STK33: variants seen among roughly 807,000 people sequenced by gnomAD.
STK33 encodes the protein serine/threonine kinase 33.
A neutral mutation model predicts 58.0 loss-of-function variants in STK33; 52 were observed. The ratio of observed to expected loss-of-function variants is 0.90; its 90% CI spans 0.72 to 1.13. The LOEUF (loss-of-function observed/expected upper bound fraction) is 1.13. Among genes scored for constraint, STK33 ranks in the 50% most tolerant of loss-of-function variants. The pLI, the probability that STK33 is intolerant of heterozygous loss-of-function variation, is 0.00. For missense variants in STK33, 630 were observed against 604.2 expected (o/e 1.04, Z -0.45); for synonymous variants, 215 against 200.1 (o/e 1.07, Z -0.63).
chr11:8,381,914 T>C, the STK33 span, among the ~76,000 whole-genome samples: 1 of 152,132 alleles, frequency 6.6e-6, no homozygotes. Context: ...ACGTTGCATG[T>C]CAGGATTACC....
chr11:8,570,545 G>A (rs1379073092), intron 1 of STK33, among the ~76,000 whole-genome samples: 1 of 152,108 alleles, frequency 6.6e-6, no homozygotes, highest in East Asian at 1.9e-4. Context: ...TGGATAAATC[G>A]ATGGTGGTAT....
chr11:8,467,814 C>A (rs932894218), intron 6 of STK33, among the ~76,000 whole-genome samples: 29 of 152,050 alleles, frequency 1.9e-4, no homozygotes, highest in South Asian at 2.1e-4. Flanking sequence ...GTGTGGTGGC[C>A]TGTGCCTATA....
chr11:8,352,395 C>T, the STK33 span, among the ~76,000 whole-genome samples: 1 of 151,994 alleles, frequency 6.6e-6, no homozygotes, highest in East Asian at 1.9e-4. Context: ...GGGTGGCAGC[C>T]CCAAGGGGCT....
chr11:8,390,731 T>G (rs1218842070), downstream of STK33, among the ~76,000 whole-genome samples: 1 of 152,102 alleles, frequency 6.6e-6, no homozygotes. Context: ...TGGGAATAGG[T>G]GAAGACACAC....
chr11:8,337,948 T>C, the STK33 span, among the ~76,000 whole-genome samples: 126,352 of 152,028 alleles, frequency 0.83, 52,698 homozygotes, highest in East Asian at 0.93. Context: ...ATCCCCCGTA[T>C]TCCGTGCTGC....
intron 1 of STK33, among the ~76,000 whole-genome samples, chr11:8,497,369 C>G (rs1319695447): frequency 6.6e-6 from 1 of 152,200 alleles, no homozygotes. Context: ...AGCAACTTAT[C>G]ACATACAAAG....
At chr11:8,445,036 C>T (rs1945251290) in intron 11 of STK33, among the ~76,000 whole-genome samples, 1 of 152,048 alleles carries the variant, frequency 6.6e-6, no homozygotes, top group Non-Finnish European at 1.5e-5. Context: ...GGAATGTTTT[C>T]CATTTGTGTC....
At chr11:8,503,944 A>C (rs1172516187) in intron 1 of STK33, among the ~76,000 whole-genome samples, 3 of 152,198 alleles carry the variant, frequency 2.0e-5, no homozygotes, top group African/African-American at 7.2e-5. Context: ...TTTTTCCTTC[A>C]GCAATTAACA....
intron 6 of STK33, among the ~76,000 whole-genome samples, chr11:8,470,495 T>C (rs1011767578): frequency 6.6e-6 from 1 of 152,252 alleles, no homozygotes; most frequent in Non-Finnish European, 1.5e-5. Flanking sequence ...ACGTGTTCAC[T>C]GGAATAGCAC....
chr11:8,340,514 T>C, the STK33 span, among the ~76,000 whole-genome samples: 21 of 152,344 alleles, frequency 1.4e-4, no homozygotes, highest in African/African-American at 4.8e-4. Flanking sequence ...AGAGGTGGAC[T>C]CTTGAACTGT....
intron 1 of STK33, among the ~76,000 whole-genome samples, chr11:8,513,491 A>G (rs970505330): frequency 6.6e-6 from 1 of 152,224 alleles, no homozygotes; most frequent in Non-Finnish European, 1.5e-5. Context: ...AAACAGAACT[A>G]TAAGTCTGAT....
chr11:8,350,709 C>T, the STK33 span, among the ~76,000 whole-genome samples: 2 of 152,202 alleles, frequency 1.3e-5, no homozygotes, highest in East Asian at 3.9e-4. Flanking sequence ...GGAACCTGCA[C>T]CAGAATGAGG....
chr11:8,534,049 C>A (rs569299554), intron 1 of STK33, among the ~76,000 whole-genome samples: 3 of 151,950 alleles, frequency 2.0e-5, no homozygotes, highest in African/African-American at 4.8e-5. Flanking sequence ...CTGAGGAGGG[C>A]GGATCACCTG....
At chr11:8,504,097 A>G (rs1439574997) in intron 1 of STK33, among the ~76,000 whole-genome samples, 4 of 152,302 alleles carry the variant, frequency 2.6e-5, no homozygotes, top group Middle Eastern at 3.4e-3. Flanking sequence ...AAAATAGGAA[A>G]ATTTTCCCCG....
intron 1 of STK33, among the ~76,000 whole-genome samples, chr11:8,553,130 C>T (rs1956419612): frequency 7.5e-6 from 1 of 134,002 alleles, no homozygotes; most frequent in Admixed American, 8.1e-5. Context: ...TGTACTCTAG[C>T]GTGGGTAACA....
chr11:8,424,353 G>A (rs1942408448), intron 14 of STK33, among the ~76,000 whole-genome samples: 1 of 149,892 alleles, frequency 6.7e-6, no homozygotes, highest in Admixed American at 6.7e-5. Flanking sequence ...ATTCCATGGT[G>A]TATATGTACC....
At chr11:8,390,650 A>G (rs981938035), downstream of STK33, among the ~76,000 whole-genome samples, 3 of 152,074 alleles carry the variant, frequency 2.0e-5, no homozygotes, top group Non-Finnish European at 4.4e-5. Flanking sequence ...TCAAATGAAC[A>G]CCTCGATGGA....
At chr11:8,474,215 T>C (rs190504859) in intron 5 of STK33, among the ~76,000 whole-genome samples, 3 of 152,040 alleles carry the variant, frequency 2.0e-5, no homozygotes, top group South Asian at 2.1e-4. Flanking sequence ...ATCAGTACAA[T>C]TGGGTAGCCA....
chr11:8,526,747 C>T lies in STK33; in HGVS notation c.-465-46133G>A, dbSNP rs1954059446. Among the ~76,000 whole-genome samples the T allele has an allele frequency of 2.0e-5, 3 of 149,080 alleles. No individual in the cohort carries two copies. The South Asian group carries it at 6.3e-4, about 31-fold the overall frequency. ...TAATGCAAGATGTGTAAGATATATA[C>T]ACTAAAAACACACACACACACAAAA... On this transcript the variant is annotated intron_variant, in intron 1 of 15. Coordinates refer to ENST00000687296, the MANE Select transcript of STK33 (RefSeq NM_001352389.2).
Sources: allele counts gnomAD v4.1 joint callset (sites outside exome capture counted in the v4.1 genomes callset), GRCh38; gene constraint gnomAD v4.1.1; transcripts MANE v1.5; gene names NCBI Gene and HGNC (gene_info 2026-07-23, HGNC 2026-07-21).